The following NBDY variants were observed in gnomAD, a reference collection of about 807,000 sequenced individuals.
The protein encoded by NBDY is P-body dissociating protein.
intron 2 of NBDY, among the ~76,000 whole-genome samples, chrX:56,798,920 G>C (rs1473279971): frequency 1.8e-5 from 2 of 111,973 alleles, no homozygotes. Context: ...CATTGGAAAA[G>C]GTGGAGGCCC....
chrX:56,802,205 C>CTGATT (rs1292193792), intron 2 of NBDY, among the ~76,000 whole-genome samples: 3 of 112,007 alleles, frequency 2.7e-5, no homozygotes, highest in Non-Finnish European at 5.6e-5. Context: ...TGATTGGGCA[C>CTGATT]CTAAGGCCTT....
At chrX:56,815,876 A>G (rs1467066483) in intron 2 of NBDY, among the ~76,000 whole-genome samples, 3 of 111,906 alleles carry the variant, frequency 2.7e-5, no homozygotes, top group Non-Finnish European at 5.7e-5. Context: ...TTAGGCATTT[A>G]TTCCATACTT....
At chrX:56,730,957 A>G (rs1341043343) in intron 1 of NBDY, among the ~76,000 whole-genome samples, 1 of 111,054 alleles carries the variant, frequency 9.0e-6, no homozygotes, top group Non-Finnish European at 1.9e-5. Flanking sequence ...AAGCCCTTGC[A>G]ATGGGTAGGA....
intron 2 of NBDY, among the ~76,000 whole-genome samples, chrX:56,752,392 C>A (rs189599603): frequency 1.8e-5 from 2 of 110,838 alleles, no homozygotes; most frequent in Non-Finnish European, 3.8e-5. Context: ...TTTATAGTAG[C>A]CATCCTGATT....
chrX:56,805,232 A>C (rs1021467745), intron 2 of NBDY, among the ~76,000 whole-genome samples: 1 of 112,851 alleles, frequency 8.9e-6, no homozygotes, highest in Non-Finnish European at 1.9e-5. Context: ...TGCCTGCATA[A>C]GGAAAATGCA....
chrX:56,794,159 C>A (rs1317799716), intron 2 of NBDY, among the ~76,000 whole-genome samples: 2 of 112,034 alleles, frequency 1.8e-5, no homozygotes, highest in Non-Finnish European at 3.8e-5. Context: ...GGCAGGTACG[C>A]TTTGTTCTAG....
chrX:56,814,682 A>G (rs1442214843), intron 2 of NBDY, among the ~76,000 whole-genome samples: 1 of 109,934 alleles, frequency 9.1e-6, no homozygotes, highest in Non-Finnish European at 1.9e-5. Context: ...TTTAGTAGAG[A>G]TGGTGTTTCA....
At chrX:56,783,640 T>C (rs2069709717) in intron 2 of NBDY, among the ~76,000 whole-genome samples, 1 of 111,710 alleles carries the variant, frequency 9.0e-6, no homozygotes, top group African/African-American at 3.3e-5. Flanking sequence ...TTAGGCAGAG[T>C]CCACCCAGTC....
intron 2 of NBDY, among the ~76,000 whole-genome samples, chrX:56,755,001 CT>C (rs2069602433): frequency 9.0e-6 from 1 of 111,648 alleles, no homozygotes; most frequent in Non-Finnish European, 1.9e-5. Flanking sequence ...CTACAACCAT[CT>C]GATCTTTGAC....
chrX:56,736,641 A>G (rs1044898117), intron 2 of NBDY, among the ~76,000 whole-genome samples: 1 of 112,699 alleles, frequency 8.9e-6, no homozygotes, highest in Non-Finnish European at 1.9e-5. Context: ...CAACCCTTAA[A>G]CTTTATAACA....
intron 2 of NBDY, among the ~76,000 whole-genome samples, chrX:56,790,433 T>C (rs1471446101): frequency 9.0e-6 from 1 of 111,532 alleles, no homozygotes; most frequent in Non-Finnish European, 1.9e-5. Flanking sequence ...GGGCCTCTAC[T>C]CTCAGGGCAT....
At chrX:56,782,121 C>G (rs143712287) in intron 2 of NBDY, among the ~76,000 whole-genome samples, 1 of 111,674 alleles carries the variant, frequency 9.0e-6, no homozygotes, top group African/African-American at 3.3e-5. Flanking sequence ...CTCCTTGTCA[C>G]TCATTGTGTA....
chrX:56,741,486 G>A (rs1044372951), intron 2 of NBDY, among the ~76,000 whole-genome samples: 6 of 111,284 alleles, frequency 5.4e-5, no homozygotes, highest in Non-Finnish European at 7.6e-5. Context: ...CCTCTTCTCC[G>A]CATTCTTGCC....
intron 2 of NBDY, among the ~76,000 whole-genome samples, chrX:56,757,455 C>T (rs1289898676): frequency 8.9e-6 from 1 of 112,109 alleles, no homozygotes; most frequent in Admixed American, 9.4e-5. Flanking sequence ...TCCTTCGCTT[C>T]GTGCACCATC....
rs181740236 is a variant in NBDY, at chrX:56,750,366, A to G, written c.*166+18167A>G. On this transcript the variant is annotated intron_variant, in intron 2 of 2. Coordinates refer to ENST00000374922, the MANE Select transcript of NBDY (RefSeq NM_001348129.2). ...CATTGTTTCTAACTATTTTTTTCTG[A>G]GTACCTCCTCAGCCTAGATCCTTAA... 4.5e-5 allele frequency among the ~76,000 whole-genome samples: 5 copies of G among 111,103 alleles called. No homozygotes were observed. The East Asian group carries it at 1.1e-3, about 25-fold the overall frequency.
rs56304858 is a variant in NBDY at position 56,731,402 on chromosome X, T to TAAAA, written c.*30-644_*30-641dup. Among the ~76,000 whole-genome samples, 4 of 71,278 alleles carry TAAAA rather than the reference T, an allele frequency of 5.6e-5. 1 individual carries two copies. Among genetic ancestry groups the TAAAA allele is most frequent in the African/African-American group, 1.3e-4 (2 of 15,770 alleles). The allele number at this position is 71,278 out of a possible 115,157, so 61.9% of individuals were successfully genotyped here. On this transcript the variant is annotated intron_variant, in intron 1 of 2. Coordinates refer to ENST00000374922, the MANE Select transcript of NBDY (RefSeq NM_001348129.2). Reference sequence around the variant, plus strand: ...GGCGAAACCCCATCTCTACTAAAAGTAAAAAAAAAAAAAAAAAAAATAGCC... The same window carrying TAAAA: ...GGCGAAACCCCATCTCTACTAAAAGTAAAAAAAAAAAAAAAAAAAAAAAATAGCC...
intron 2 of NBDY, among the ~76,000 whole-genome samples, chrX:56,740,322 T>C (rs1226678937): frequency 8.9e-6 from 1 of 112,090 alleles, no homozygotes; most frequent in Non-Finnish European, 1.9e-5. Context: ...TTGTTTTCCA[T>C]TTAAAAGACA....
chrX:56,736,304 G>A (rs1195520629), intron 2 of NBDY, among the ~76,000 whole-genome samples: 2 of 111,788 alleles, frequency 1.8e-5, no homozygotes, highest in Non-Finnish European at 3.8e-5. Flanking sequence ...AGCCACTGTC[G>A]CTCAGGCTGA....
chrX:56,739,286 A>ATATATATGTATGTATATATATATATTTT lies in NBDY; in HGVS notation c.*166+7094_*166+7095insGTATGTATATATATATATTTTTATATAT, dbSNP rs1569284012. Among the ~76,000 whole-genome samples, 48 of 44,381 alleles carry ATATATATGTATGTATATATATATATTTT rather than the reference A, an allele frequency of 1.1e-3. 1 individual carries two copies. The East Asian group carries it at 0.028, about 26-fold the overall frequency. 38.5% of individuals were successfully genotyped at this position (44,381 alleles called of 115,157 possible). ...TATGTATGTATATATATATATTTTT[A>ATATATATGTATGTATATATATATATTTT]TATATATATATATAGAGAGAGAGAG... On this transcript the variant is annotated intron_variant, in intron 2 of 2. Coordinates refer to ENST00000374922, the MANE Select transcript of NBDY (RefSeq NM_001348129.2).
Sources: allele counts gnomAD v4.1 joint callset (sites outside exome capture counted in the v4.1 genomes callset), GRCh38; gene constraint gnomAD v4.1.1; transcripts MANE v1.5; gene names NCBI Gene and HGNC (gene_info 2026-07-23, HGNC 2026-07-21).